EYS: variants seen among roughly 807,000 people sequenced by gnomAD.
EYS encodes the protein EGF-like photoreceptor maintenance factor.
Under a neutral mutation model 282.1 loss-of-function variants are expected in EYS, and 250 were observed. The observed-to-expected ratio is 0.89, with a 90% CI of 0.80 to 0.98. The LOEUF is 0.98. EYS is among the 50% of genes least tolerant of loss of function. EYS has a pLI of 0.00. For synonymous variants in EYS, 1,355 were observed against 1,282.9 expected, an observed-to-expected ratio of 1.06 and a Z score of -1.20; for missense variants, 4,016 against 3,709.0, an observed-to-expected ratio of 1.08 and a Z score of -2.15.
At chr6:64,187,380 C>A (rs1266926843) in intron 31 of EYS, among the ~76,000 whole-genome samples, 3 of 151,924 alleles carry the variant, frequency 2.0e-5, no homozygotes, top group African/African-American at 7.2e-5. Context: ...GTTACTATGC[C>A]AAAATTAAAT....
intron 31 of EYS, among the ~76,000 whole-genome samples, chr6:64,107,271 G>GTATATATATATATTTATATATATATATA (rs1297274129): frequency 2.3e-4 from 23 of 99,944 alleles, no homozygotes; most frequent in African/African-American, 3.8e-4. Context: ...GTGTGTGTGT[G>GTATATATATATATTTATATATATATATA]TATATATATA....
chr6:65,560,998 T>C (rs1769032632), intron 2 of EYS, among the ~76,000 whole-genome samples: 1 of 152,114 alleles, frequency 6.6e-6, no homozygotes, highest in South Asian at 2.1e-4. Context: ...ATTTTGATTG[T>C]TGCTACCTTG....
At chr6:65,455,304 ACT>A (rs1764559348) in intron 5 of EYS, among the ~76,000 whole-genome samples, 1 of 151,992 alleles carries the variant, frequency 6.6e-6, no homozygotes. Context: ...CAGATAGTTC[ACT>A]CTTAGTGTAT....
chr6:65,556,476 TGA>T (rs578227947), intron 2 of EYS, among the ~76,000 whole-genome samples: 258 of 151,776 alleles, frequency 1.7e-3, no homozygotes, highest in Non-Finnish European at 3.0e-3. Context: ...TGATATTACA[TGA>T]GATGTCTCAT....
At chr6:63,970,413 A>G (rs930168894) in intron 35 of EYS, among the ~76,000 whole-genome samples, 5 of 152,104 alleles carry the variant, frequency 3.3e-5, no homozygotes, top group Non-Finnish European at 7.4e-5. Context: ...AGGTGGCCAG[A>G]TCACTAGGTC....
At chr6:64,550,753 T>C (rs1765049283) in intron 26 of EYS, among the ~76,000 whole-genome samples, 1 of 152,048 alleles carries the variant, frequency 6.6e-6, no homozygotes, top group Non-Finnish European at 1.5e-5. Context: ...GATAGGCAAC[T>C]TCAGCAAAGT....
At position 63,959,083 on chromosome 6, in the gene EYS, G is replaced by A. The variant is rs575265976; in HGVS notation, c.7055+25300C>T. Among the ~76,000 whole-genome samples, 50 of 152,190 alleles carry A rather than the reference G, an allele frequency of 3.3e-4. No individual in the cohort carries two copies. The South Asian group carries it at 4.6e-3, about 14-fold the overall frequency. ...ACAATCATCATAGTGAACAGGCATCGTATAGAATGGGAGAAAATTTCTGCA... is the reference window on the plus strand; with the variant it reads ...ACAATCATCATAGTGAACAGGCATCATATAGAATGGGAGAAAATTTCTGCA... On this transcript the variant is annotated intron_variant, in intron 35 of 42. Coordinates refer to ENST00000503581, the MANE Select transcript of EYS (RefSeq NM_001142800.2).
At chr6:65,537,219 A>G (rs1767993211) in intron 2 of EYS, among the ~76,000 whole-genome samples, 1 of 152,106 alleles carries the variant, frequency 6.6e-6, no homozygotes, top group African/African-American at 2.4e-5. Context: ...CAAGGGGATG[A>G]ATAGCAATAG....
In EYS at chr6:65,362,307, A is replaced by T. The variant is rs1011066897; in HGVS notation, c.1300-8690T>A. Among the ~76,000 whole-genome samples the T allele has an allele frequency of 2.0e-5, 3 of 152,268 alleles. No homozygotes were observed. The East Asian group carries it at 5.8e-4, about 29-fold the overall frequency. On this transcript the variant is annotated intron_variant, in intron 8 of 42. Coordinates refer to ENST00000503581, the MANE Select transcript of EYS (RefSeq NM_001142800.2). ...CAGTTCTCTTAGATATAACTTTAAA[A>T]TGAACACAAATAAACAAATGAAAAT... is the stretch of plus-strand genomic sequence containing the variant.
intron 37 of EYS, among the ~76,000 whole-genome samples, chr6:63,793,887 G>C (rs1770577856): frequency 6.6e-6 from 1 of 152,180 alleles, no homozygotes; most frequent in Non-Finnish European, 1.5e-5. Flanking sequence ...ATGTAGATGA[G>C]ACCTGAAACC....
intron 13 of EYS, among the ~76,000 whole-genome samples, chr6:65,030,378 A>G (rs954119615): frequency 1.4e-4 from 21 of 151,988 alleles, no homozygotes; most frequent in Admixed American, 1.4e-3. Flanking sequence ...GCCAGCATGC[A>G]CCCAACTACG....
intron 15 of EYS, among the ~76,000 whole-genome samples, chr6:64,924,698 T>A (rs1038767731): frequency 6.6e-6 from 1 of 152,130 alleles, no homozygotes. Flanking sequence ...AAATTCAAAG[T>A]TCCACAAATC....
At position 64,392,787 on chromosome 6, in the gene EYS, C is replaced by T. The variant is rs376923042; in HGVS notation, c.5928-3947G>A. Among the ~76,000 whole-genome samples the T allele has an allele frequency of 6.5e-4, 98 of 150,838 alleles. 2 individuals carry two copies. In the East Asian group the frequency reaches 0.014, roughly 21 times the overall value. On this transcript the variant is annotated intron_variant, in intron 28 of 42. Coordinates refer to ENST00000503581, the MANE Select transcript of EYS (RefSeq NM_001142800.2). ...AGAAATAACTAAAATCAGAGCAGAA[C>T]TGAAGGAAATAGAGACACAAAAAAC...
intron 30 of EYS, among the ~76,000 whole-genome samples, chr6:64,252,372 G>A (rs1328172991): frequency 6.6e-6 from 1 of 151,972 alleles, no homozygotes; most frequent in Non-Finnish European, 1.5e-5. Context: ...ATTGGTATAT[G>A]TCTGACAGTC....
At chr6:65,216,852 C>A (rs1280389795) in intron 12 of EYS, among the ~76,000 whole-genome samples, 3 of 151,782 alleles carry the variant, frequency 2.0e-5, no homozygotes, top group African/African-American at 4.8e-5. Context: ...GTAACTTATT[C>A]CTATGACAAA....
At chr6:64,558,094 C>G (rs552259903) in intron 26 of EYS, among the ~76,000 whole-genome samples, 1 of 152,068 alleles carries the variant, frequency 6.6e-6, no homozygotes, top group South Asian at 2.1e-4. Context: ...TTTGAACTGG[C>G]AATGATAGAA....
chr6:64,211,217 T>G (rs1765755728), intron 31 of EYS, among the ~76,000 whole-genome samples: 1 of 152,326 alleles, frequency 6.6e-6, no homozygotes, highest in Non-Finnish European at 1.5e-5. Context: ...GAACCCTGCC[T>G]AATGACATTA....
At chr6:63,872,770 G>T (rs992042938) in intron 35 of EYS, among the ~76,000 whole-genome samples, 1 of 140,070 alleles carries the variant, frequency 7.1e-6, no homozygotes, top group Non-Finnish European at 1.5e-5. Context: ...GAGCCACCAT[G>T]CCTGGCCCAC....
At chr6:65,216,455 G>A (rs1157241428) in intron 12 of EYS, among the ~76,000 whole-genome samples, 1 of 151,792 alleles carries the variant, frequency 6.6e-6, no homozygotes, top group African/African-American at 2.4e-5. Context: ...TAGCATTAAT[G>A]TACACAAATA....
Sources: gnomAD v4.1 joint callset for allele counts (sites outside exome capture counted in the v4.1 genomes callset) on GRCh38, gnomAD v4.1.1 for gene constraint, MANE v1.5 for transcripts, NCBI Gene and HGNC (gene_info 2026-07-23, HGNC 2026-07-21) for gene names.